Variants in SCN3A observed in about 807,000 individuals in gnomAD.
SCN3A encodes sodium channel protein type 3 subunit alpha.
Under a neutral mutation model 187.6 loss-of-function variants are expected in SCN3A, and 60 were observed. The ratio of observed to expected loss-of-function variants is 0.32; its 90% CI spans 0.26 to 0.40. The LOEUF (loss-of-function observed/expected upper bound fraction) is 0.40, where lower values mean the gene tolerates loss of function less well. Among genes scored for constraint, SCN3A ranks in the 10% least tolerant of loss-of-function variants. The probability of loss-of-function intolerance (pLI) is 1.00; values close to 1 mark genes in which losing one functional copy is unlikely to be tolerated. For synonymous variants in SCN3A, 788 were observed against 829.2 expected (o/e 0.95, Z 0.85); for missense variants, 1,601 against 2,428.2 (o/e 0.66, Z 7.16).
At chr2:165,165,268 A>G (rs1182030668) in intron 5 of SCN3A, among the ~76,000 whole-genome samples, 2 of 150,866 alleles carry the variant, frequency 1.3e-5, no homozygotes, top group Non-Finnish European at 3.0e-5. Flanking sequence ...GTGTGTGTGC[A>G]TGAGCATGCT....
At chr2:165,201,178 A>G (rs1314236727) in intron 1 of SCN3A, among the ~76,000 whole-genome samples, 2 of 152,070 alleles carry the variant, frequency 1.3e-5, no homozygotes, top group Non-Finnish European at 2.9e-5. Flanking sequence ...CCGTGATAAC[A>G]TATTGGGCAT....
At chr2:165,152,425 A>G (rs946051350) in intron 11 of SCN3A, among the ~76,000 whole-genome samples, 3 of 152,244 alleles carry the variant, frequency 2.0e-5, no homozygotes, top group Non-Finnish European at 4.4e-5. Context: ...AAAAGAAAAG[A>G]TAATTGACTT....
chr2:165,118,343 T>G (rs1451698915), intron 18 of SCN3A, among the ~76,000 whole-genome samples: 1 of 152,188 alleles, frequency 6.6e-6, no homozygotes, highest in Non-Finnish European at 1.5e-5. Context: ...TTACAGTTAT[T>G]ACAGAGATTT....
chr2:165,092,132 G>A lies in SCN3A; in HGVS notation c.4807+122C>T. ...AGAGTTTTTATTCAAATATGCTAGTGTTGAACTTTACATCTATATGCATTA... is the reference window on the plus strand; with the variant it reads ...AGAGTTTTTATTCAAATATGCTAGTATTGAACTTTACATCTATATGCATTA... On this transcript the variant is annotated intron_variant, in intron 27 of 27. Coordinates refer to ENST00000283254, the MANE Select transcript of SCN3A (RefSeq NM_006922.4). The surrounding 1 kb of genome is among the most constrained non-coding windows in gnomAD (Gnocchi z 4.2). 5.0e-6 allele frequency: 5 copies of A among 990,168 alleles called. No individual in the cohort carries two copies. Among genetic ancestry groups the A allele is most frequent in the Non-Finnish European group, 6.4e-6 (4 of 624,460 alleles). 61.3% of individuals were successfully genotyped at this position (990,168 alleles called of 1,614,324 possible). A position where few individuals can be genotyped will look rare whatever the true frequency, so the allele number is the denominator to read the frequency against.
chr2:165,150,890 A>G (rs1391755414), intron 11 of SCN3A, among the ~76,000 whole-genome samples: 1 of 152,198 alleles, frequency 6.6e-6, no homozygotes, highest in Admixed American at 6.5e-5. Context: ...ACACTTATTT[A>G]AAACCTTGAA....
chr2:165,129,960 T>G lies in SCN3A; in HGVS notation c.2902A>C (p.Met968Leu), dbSNP rs749647165. The change falls in exon 17 of 28, where the codon ATG becomes CTG. Residue 968 changes from methionine to leucine, a missense_variant. Physicochemically the swap from Met to Leu is conservative, Grantham distance 15. Transcript: ENST00000283254. ...CATACCACAAGGTTTCCAATGACCA[T>G]GACCAACATGAAAACAATAAGGCAC... is the stretch of plus-strand genomic sequence containing the variant. The part of the protein sequence containing the change: ...TMCLIVFMLV[M>L]VIGNLVVLNL... 1.9e-6 allele frequency: 3 copies of G among 1,614,004 alleles called. No homozygotes were observed. Among genetic ancestry groups the G allele is most frequent in the Non-Finnish European group, 2.5e-6 (3 of 1,179,986 alleles).
intron 17 of SCN3A, among the ~76,000 whole-genome samples, chr2:165,128,315 T>C (rs1687117388): frequency 6.6e-6 from 1 of 152,116 alleles, no homozygotes. Flanking sequence ...CACCTCTTCT[T>C]TTTTTCCTAT....
At chr2:165,121,507 C>T (rs147151829) in intron 18 of SCN3A, among the ~76,000 whole-genome samples, 20 of 152,244 alleles carry the variant, frequency 1.3e-4, no homozygotes, top group African/African-American at 4.6e-4. Context: ...AAATTTGGTG[C>T]TGAATAAAAA....
chr2:165,131,114 A>G, intron 16 of SCN3A, 130 bp downstream of exon 16: 1 of 467,054 alleles, frequency 2.1e-6, no homozygotes, highest in Non-Finnish European at 3.3e-6. Context: ...GGATGTTTAC[A>G]TGTTTTCTTA....
At chr2:165,097,026 T>C (rs1341644832) in intron 23 of SCN3A, among the ~76,000 whole-genome samples, 1 of 152,042 alleles carries the variant, frequency 6.6e-6, no homozygotes, top group Non-Finnish European at 1.5e-5. Context: ...AAAGCAGAAA[T>C]ATAAAATCAC....
intron 10 of SCN3A, 54 bp downstream of exon 10, chr2:165,155,708 C>T (rs1262955955): frequency 8.7e-6 from 14 of 1,606,344 alleles, no homozygotes; most frequent in Non-Finnish European, 2.6e-6. Context: ...CTATGCTTTT[C>T]ATTTCATACA....
intron 1 of SCN3A, among the ~76,000 whole-genome samples, chr2:165,202,551 C>T (rs1323743747): frequency 6.6e-6 from 1 of 152,048 alleles, no homozygotes; most frequent in Non-Finnish European, 1.5e-5. Context: ...GCTCTCCTCT[C>T]AGGCAACCAC....
chr2:165,191,023 G>A (rs1336657429), intron 1 of SCN3A, among the ~76,000 whole-genome samples: 1 of 148,094 alleles, frequency 6.8e-6, no homozygotes, highest in African/African-American at 2.5e-5. Flanking sequence ...ACCACACTTT[G>A]ACAATACCTA....
intron 15 of SCN3A, among the ~76,000 whole-genome samples, chr2:165,134,890 C>T (rs1296942163): frequency 6.6e-6 from 1 of 151,912 alleles, no homozygotes; most frequent in African/African-American, 2.4e-5. Flanking sequence ...ATCTTTTCAG[C>T]TCTTCTAAAA....
intron 15 of SCN3A, among the ~76,000 whole-genome samples, chr2:165,136,184 A>G (rs1221570410): frequency 2.6e-5 from 4 of 152,104 alleles, no homozygotes; most frequent in African/African-American, 7.2e-5. Context: ...TCATTCAATC[A>G]TCTTATAATC....
intron 16 of SCN3A, 121 bp from the exon 17 acceptor site, chr2:165,130,417 A>G: frequency 5.0e-6 from 5 of 992,186 alleles, no homozygotes; most frequent in Non-Finnish European, 6.1e-6. Context: ...AATATACTGA[A>G]CTGATTCAAT....
At chr2:165,096,348 T>C (rs1685363776) in intron 24 of SCN3A, 119 bp downstream of exon 24, 1 of 760,914 alleles carries the variant, frequency 1.3e-6, no homozygotes, top group Admixed American at 2.2e-5. Context: ...ACTGTTCATT[T>C]TTTATATGCA....
intron 18 of SCN3A, among the ~76,000 whole-genome samples, chr2:165,125,734 A>G (rs1383459286): frequency 1.3e-5 from 2 of 152,150 alleles, no homozygotes; most frequent in African/African-American, 4.8e-5. Flanking sequence ...CACCCCTAGT[A>G]TCCAGCAGAT....
In SCN3A at chr2:165,090,940, T is replaced by A; in HGVS notation, c.5213A>T (p.Lys1738Met). 6.2e-7 allele frequency: 1 copy of A among 1,614,108 alleles called. No individual in the cohort carries two copies. Among genetic ancestry groups the A allele is most frequent in the Non-Finnish European group, 8.5e-7 (1 of 1,180,004 alleles). The change falls in exon 28 of 28, where the codon AAG (lysine) becomes ATG (methionine). Residue 1738 changes from lysine (K) to methionine (M), a missense_variant. By Grantham distance (95) the Lys-to-Met change is moderately conservative. This residue lies in a region of SCN3A where 320 missense variants were observed against 623.2 expected (regional missense o/e 0.51). Transcript: ENST00000283254. The surrounding 1 kb of genome is among the most constrained non-coding windows in gnomAD (Gnocchi z 4.0). ...PDTIHPGSSVKGDCGNPSVGI... is the reference protein window; with the variant it reads ...PDTIHPGSSVMGDCGNPSVGI... ...AACAGATGGGTTCCCACAGTCTCCC[T>A]TAACTGAGCTGCCAGGGTGAATTGT...
Sources: allele counts gnomAD v4.1 joint callset (sites outside exome capture counted in the v4.1 genomes callset), GRCh38; gene constraint gnomAD v4.1.1; regional missense constraint gnomAD v4.1.1; non-coding constraint Gnocchi (gnomAD v3.1); transcripts MANE v1.5; gene names NCBI Gene and HGNC (gene_info 2026-07-23, HGNC 2026-07-21).